ZNF765: variants seen among roughly 807,000 people sequenced by gnomAD.
ZNF765 encodes the protein zinc finger protein 765.
In ZNF765, 37 loss-of-function variants were observed where a neutral mutation model predicts 44.7. The observed-to-expected ratio is 0.83, with a 90% CI of 0.64 to 1.09. The LOEUF is 1.09. Among genes scored for constraint, ZNF765 ranks in the 50% least tolerant of loss-of-function variants. The pLI is 0.00. For missense variants in ZNF765, 594 were observed against 626.1 expected, an observed-to-expected ratio of 0.95 and a Z score of 0.55; for synonymous variants, 201 against 213.7, an observed-to-expected ratio of 0.94 and a Z score of 0.52.
chr19:53,422,610 T>G (rs1249062523), intron 3 of ZNF765, among the ~76,000 whole-genome samples: 1 of 152,172 alleles, frequency 6.6e-6, no homozygotes, highest in Non-Finnish European at 1.5e-5. Flanking sequence ...GGTGTCACTT[T>G]ATCATCCAGG....
At chr19:53,398,703 G>C (rs1445318696) in intron 2 of ZNF765, among the ~76,000 whole-genome samples, 1 of 152,080 alleles carries the variant, frequency 6.6e-6, no homozygotes, top group Non-Finnish European at 1.5e-5. Context: ...TTGTGAAACA[G>C]GTGTTTTGGT....
At chr19:53,401,029 G>C (rs528020958) in intron 2 of ZNF765, among the ~76,000 whole-genome samples, 3 of 151,188 alleles carry the variant, frequency 2.0e-5, no homozygotes, top group East Asian at 2.0e-4. Flanking sequence ...TTTGGAGATG[G>C]AGTATCTGTT....
rs577531918 is a variant in ZNF765 at position 53,409,779 on chromosome 19, C to CTTT, written c.*654_*655insTTT. On this transcript the variant is annotated 3_prime_UTR_variant, in exon 4 of 4. Coordinates refer to ENST00000396408, the MANE Select transcript of ZNF765 (RefSeq NM_001040185.3). The stretch of plus-strand genomic sequence containing the variant: ...CATAGACTTCATACTGGAGAGATAC[C>CTTT]TTAAAAGTGTAGTGAGTGTGGCAAG... 7.0e-5 allele frequency: 57 copies of CTTT among 817,708 alleles called. No individual in the cohort carries two copies. In the East Asian group the frequency reaches 1.5e-3, roughly 22 times the overall value. 50.7% of individuals were successfully genotyped at this position (817,708 alleles called of 1,614,324 possible). A position where few individuals can be genotyped will look rare whatever the true frequency, so the allele number is the denominator to read the frequency against.
Position 53,407,739 on chromosome 19 carries a change from G to A in ZNF765, c.184G>A (p.Ala62Thr). The A allele has an allele frequency of 1.3e-6, 2 of 1,585,778 alleles. No individual in the cohort carries two copies. Among genetic ancestry groups the A allele is most frequent in the Non-Finnish European group, 8.6e-7 (1 of 1,167,314 alleles). ...CATGATGAAGGAGTTCTCGTCAACAGCACAAGGCAATAGAGAAGTGTTCCA... is the reference window on the plus strand; with the variant it reads ...CATGATGAAGGAGTTCTCGTCAACAACACAAGGCAATAGAGAAGTGTTCCA... ...KCMMKEFSST[A>T]QGNREVFHAG... The change falls in exon 4 of 4, where the codon GCA becomes ACA. Residue 62 changes from alanine to threonine, a missense_variant. Physicochemically the swap from Ala to Thr is moderately conservative, Grantham distance 58. Coordinates refer to ENST00000396408, the MANE Select transcript of ZNF765 (RefSeq NM_001040185.3).
At position 53,408,851 on chromosome 19, in the gene ZNF765, T is replaced by C. The variant is rs370819910; in HGVS notation, c.1296T>C (p.His432=). 3.7e-6 allele frequency: 6 copies of C among 1,613,934 alleles called. No homozygotes were observed. In the African/African-American group the frequency reaches 6.7e-5, roughly 18 times the overall value. ...TAACCCTTAACATTTGTAGACTTCA[T>C]AGTGGAGAGAAACCTTACAAATGTG... is the stretch of plus-strand genomic sequence containing the variant. ...QQLTLNICRL[H]SGEKPYKCEE... The change falls in exon 4 of 4, where the codon CAT becomes CAC. Residue 432 remains histidine, a synonymous_variant. Transcript: ENST00000396408.
intron 3 of ZNF765, among the ~76,000 whole-genome samples, chr19:53,404,103 G>A (rs1303281487): frequency 3.3e-5 from 5 of 152,140 alleles, no homozygotes. Context: ...ATGAGATGAA[G>A]TTTTGTTCTT....
downstream of ZNF765, among the ~76,000 whole-genome samples, chr19:53,416,320 C>T (rs556109808): frequency 4.6e-5 from 7 of 152,194 alleles, no homozygotes; most frequent in Admixed American, 3.3e-4. Context: ...GTAGGAGGAT[C>T]GCTTGAACGC....
At chr19:53,396,209 G>A (rs942058616) in intron 1 of ZNF765, among the ~76,000 whole-genome samples, 18 of 151,942 alleles carry the variant, frequency 1.2e-4, no homozygotes, top group Middle Eastern at 3.2e-3. Flanking sequence ...GCACAGCAGG[G>A]AGGACACCTG....
At chr19:53,398,085 C>CCAAA in intron 2 of ZNF765, 55 bp downstream of exon 2, 1 of 1,613,386 alleles carries the variant, frequency 6.2e-7, no homozygotes, top group Non-Finnish European at 8.5e-7. Flanking sequence ...GAAATGCTGA[C>CCAAA]CTTGGAGTTT....
intron 1 of ZNF765, among the ~76,000 whole-genome samples, chr19:53,397,555 G>A (rs544763588): frequency 1.3e-5 from 2 of 152,274 alleles, no homozygotes; most frequent in South Asian, 2.1e-4. Context: ...CTAAGTTTTT[G>A]TACTTTTGGT....
chr19:53,426,508 GACCAGGGATCCCCACC>G, exon 4 of ZNF765: 1 of 152,388 alleles, frequency 6.6e-6, no homozygotes, highest in Middle Eastern at 3.4e-3. Flanking sequence ...CACTAATCTA[GACCAGGGATCCCCACC>G]CCTGGGCTGC....
At chr19:53,397,914 G>A (rs2085686568) in intron 1 of ZNF765, 29 bp from the exon 2 acceptor site, 4 of 1,555,668 alleles carry the variant, frequency 2.6e-6, no homozygotes, top group African/African-American at 1.3e-5. Context: ...TTGATTCTGA[G>A]CAATAAACAA....
intron 3 of ZNF765, among the ~76,000 whole-genome samples, chr19:53,421,872 T>A (rs1286241089): frequency 1.3e-5 from 2 of 152,200 alleles, no homozygotes; most frequent in African/African-American, 4.8e-5. Flanking sequence ...TCACGTCATG[T>A]AGTTAAGACA....
At chr19:53,418,184 C>T (rs2085886109) in intron 3 of ZNF765, among the ~76,000 whole-genome samples, 1 of 152,074 alleles carries the variant, frequency 6.6e-6, no homozygotes, top group Non-Finnish European at 1.5e-5. Context: ...GGGAGGATCA[C>T]GGGTCAGGAG....
At position 53,411,574 on chromosome 19, in the gene ZNF765, G is replaced by A. The variant is rs1420950410; in HGVS notation, c.*2447G>A. On this transcript the variant is annotated 3_prime_UTR_variant, in exon 4 of 4. Coordinates refer to ENST00000396408, the MANE Select transcript of ZNF765 (RefSeq NM_001040185.3). ...CCCAAAGTGCTGGGATTACAGGCGT[G>A]AGCCACTGCGCCCAGCCCCAGTGAT... The A allele has an allele frequency of 6.6e-6, 1 of 152,428 alleles. No homozygotes were observed. The highest frequency in any genetic ancestry group is 1.5e-5 in the Non-Finnish European group (1 of 68,238). The allele number at this position is 152,428 out of a possible 1,614,324, so 9.4% of individuals were successfully genotyped here.
downstream of ZNF765, among the ~76,000 whole-genome samples, chr19:53,416,293 C>T (rs1238137824): frequency 6.6e-6 from 1 of 152,058 alleles, no homozygotes; most frequent in Non-Finnish European, 1.5e-5. Flanking sequence ...TTAGTCCCAC[C>T]TACTCAGGAG....
At chr19:53,426,486 A>G (rs1264666516) in exon 4 of ZNF765, 3 of 151,898 alleles carry the variant, frequency 2.0e-5, no homozygotes. Flanking sequence ...TTTCTTTTCC[A>G]AAGTCAAGCT....
At chr19:53,405,289 T>A (rs1285386095) in intron 3 of ZNF765, among the ~76,000 whole-genome samples, 2 of 151,790 alleles carry the variant, frequency 1.3e-5, no homozygotes, top group Admixed American at 1.3e-4. Flanking sequence ...GAGGTGGAGG[T>A]TGCAGTGAGC....
At chr19:53,399,032 T>C (rs984687056) in intron 2 of ZNF765, among the ~76,000 whole-genome samples, 6 of 152,054 alleles carry the variant, frequency 3.9e-5, no homozygotes, top group African/African-American at 1.4e-4. Context: ...ATTACAGGTA[T>C]AAGCCACCAT....
Sources: allele counts gnomAD v4.1 joint callset (sites outside exome capture counted in the v4.1 genomes callset), GRCh38; gene constraint gnomAD v4.1.1; transcripts MANE v1.5; gene names NCBI Gene and HGNC (gene_info 2026-07-23, HGNC 2026-07-21).